The following CLEC4A variants were observed in gnomAD, a reference collection of about 807,000 sequenced individuals.
The protein encoded by CLEC4A is C-type (calcium dependent, carbohydrate-recognition domain) lectin, superfamily member 6.
A neutral mutation model predicts 32.7 loss-of-function variants in CLEC4A; 27 were observed. The observed-to-expected ratio is 0.83, with a 90% CI of 0.61 to 1.14. The LOEUF is 1.14. Ranked by LOEUF, CLEC4A falls within the 50% of genes most tolerant of loss-of-function variation. The probability of loss-of-function intolerance (pLI) is 0.00; values close to 1 mark genes in which losing one functional copy is unlikely to be tolerated. For synonymous variants in CLEC4A, 89 were observed against 93.7 expected (o/e 0.95, Z 0.29); for missense variants, 253 against 274.6 (o/e 0.92, Z 0.55).
the CLEC4A span, among the ~76,000 whole-genome samples, chr12:8,107,257 T>C: frequency 6.6e-6 from 1 of 152,206 alleles, no homozygotes. Context: ...CTTTTTGATG[T>C]GCTACTGGAT....
At position 8,127,876 on chromosome 12, in the gene CLEC4A, G is replaced by A. The variant is rs117615476; in HGVS notation, c.200-1388G>A. On this transcript the variant is annotated intron_variant, in intron 2 of 5. Coordinates refer to ENST00000229332, the MANE Select transcript of CLEC4A (RefSeq NM_016184.4). Reference sequence around the variant, plus strand: ...CAAAGAGGTAGACAATATAGGATCAGTAGCAGGTTTGGGTTGGAAGATGGT... The same window carrying A: ...CAAAGAGGTAGACAATATAGGATCAATAGCAGGTTTGGGTTGGAAGATGGT... Among the ~76,000 whole-genome samples, 8 of 152,312 alleles carry A rather than the reference G, an allele frequency of 5.3e-5. No homozygotes were observed. In the East Asian group the frequency reaches 1.3e-3, roughly 26 times the overall value.
At chr12:8,103,376 GTTTTTTTTTTTTTT>G in the CLEC4A span, among the ~76,000 whole-genome samples, 7 of 56,504 alleles carry the variant, frequency 1.2e-4, no homozygotes, top group Non-Finnish European at 1.2e-4. Flanking sequence ...TCTTTCTGTT[GTTTTTTTTTTTTTT>G]TTTTTTTTTT....
intron 1 of CLEC4A, among the ~76,000 whole-genome samples, 156 bp downstream of exon 1, chr12:8,124,116 G>A (rs1222620498): frequency 1.3e-5 from 2 of 152,138 alleles, no homozygotes; most frequent in Admixed American, 1.3e-4. Flanking sequence ...CTGCAGATAC[G>A]CATTACGGGG....
At chr12:8,123,986 A>C in intron 1 of CLEC4A, 26 bp downstream of exon 1, 1 of 1,435,440 alleles carries the variant, frequency 7.0e-7, no homozygotes, top group Non-Finnish European at 9.8e-7. Flanking sequence ...TAGGGGTCAG[A>C]GTGAATGACG....
rs1948163333 is a variant in CLEC4A at position 8,138,319 on chromosome 12, T to C, written c.*32T>C. 1 of 1,612,918 alleles carries C rather than the reference T, an allele frequency of 6.2e-7. No individual in the cohort carries two copies. Among genetic ancestry groups the C allele is most frequent in the South Asian group, 1.1e-5 (1 of 90,988 alleles). Reference sequence around the variant, plus strand: ...CATTCTCCATGAACAGGTGGTTGGATTGGTATCTGTCATTGTAGGGATAGA... The same window carrying C: ...CATTCTCCATGAACAGGTGGTTGGACTGGTATCTGTCATTGTAGGGATAGA... On this transcript the variant is annotated 3_prime_UTR_variant, in exon 6 of 6. Transcript: ENST00000229332.
intron 2 of CLEC4A, among the ~76,000 whole-genome samples, chr12:8,126,241 G>A (rs1217887145): frequency 6.6e-6 from 1 of 152,122 alleles, no homozygotes; most frequent in Admixed American, 6.6e-5. Flanking sequence ...CCCTGGTTCT[G>A]TCACCCAGGC....
chr12:8,125,494 G>T, intron 1 of CLEC4A, 67 bp from the exon 2 acceptor site: 1 of 826,442 alleles, frequency 1.2e-6, no homozygotes, highest in Non-Finnish European at 2.1e-6. Context: ...AGAGAAAGAG[G>T]AGGAGGAAGA....
chr12:8,120,749 T>C (rs1947824867), upstream of CLEC4A, among the ~76,000 whole-genome samples: 5 of 152,226 alleles, frequency 3.3e-5, no homozygotes, highest in Admixed American at 3.3e-4. Flanking sequence ...TGGAGATCAC[T>C]GCCCAAGAGA....
upstream of CLEC4A, among the ~76,000 whole-genome samples, chr12:8,120,611 G>A (rs1947823608): frequency 1.3e-5 from 2 of 152,136 alleles, no homozygotes; most frequent in South Asian, 4.1e-4. Flanking sequence ...CACATGACAT[G>A]CAATCAATAC....
At chr12:8,136,115 A>G (rs1451301881) in intron 4 of CLEC4A, among the ~76,000 whole-genome samples, 1 of 152,262 alleles carries the variant, frequency 6.6e-6, no homozygotes, top group Non-Finnish European at 1.5e-5. Flanking sequence ...CACAATCAAC[A>G]CTCAGGAATG....
upstream of CLEC4A, among the ~76,000 whole-genome samples, chr12:8,122,339 G>T (rs1158103373): frequency 6.6e-6 from 1 of 151,752 alleles, no homozygotes; most frequent in Non-Finnish European, 1.5e-5. Context: ...GGTCTAAGTG[G>T]TGACTAGGGG....
At chr12:8,103,380 T>C in the CLEC4A span, among the ~76,000 whole-genome samples, 1 of 99,360 alleles carries the variant, frequency 1.0e-5, no homozygotes, top group African/African-American at 3.9e-5. Flanking sequence ...TCTGTTGTTT[T>C]TTTTTTTTTT....
the CLEC4A span, among the ~76,000 whole-genome samples, chr12:8,117,569 G>A: frequency 1.3e-5 from 2 of 152,084 alleles, no homozygotes; most frequent in Non-Finnish European, 2.9e-5. Flanking sequence ...TGTCTCCAAT[G>A]GGAACTTTTT....
At chr12:8,127,671 G>A (rs1223609724) in intron 2 of CLEC4A, among the ~76,000 whole-genome samples, 1 of 152,164 alleles carries the variant, frequency 6.6e-6, no homozygotes, top group Non-Finnish European at 1.5e-5. Context: ...ATTCAATTGA[G>A]AAATATTGTC....
the CLEC4A span, among the ~76,000 whole-genome samples, chr12:8,108,939 A>G: frequency 6.6e-6 from 1 of 152,196 alleles, no homozygotes; most frequent in African/African-American, 2.4e-5. Context: ...TGGAAAAAAA[A>G]GTCATTGAAG....
upstream of CLEC4A, chr12:8,123,581 C>T (rs1947852706): frequency 4.0e-6 from 1 of 247,134 alleles, no homozygotes; most frequent in Admixed American, 5.5e-5. Context: ...CCTCTTTCCG[C>T]AACCCTTTGA....
At chr12:8,111,919 GTA>G in the CLEC4A span, among the ~76,000 whole-genome samples, 11,704 of 131,808 alleles carry the variant, frequency 0.089, 609 homozygotes, top group Non-Finnish European at 0.11. Flanking sequence ...ATGTGAGTGT[GTA>G]TATGTGTGTG....
chr12:8,131,874 G>A (rs959689906), intron 3 of CLEC4A, among the ~76,000 whole-genome samples: 1 of 151,504 alleles, frequency 6.6e-6, no homozygotes, highest in African/African-American at 2.4e-5. Context: ...TACATGTGCA[G>A]GATGTGCAGG....
chr12:8,119,898 T>A (rs1947816650), upstream of CLEC4A, among the ~76,000 whole-genome samples: 1 of 152,116 alleles, frequency 6.6e-6, no homozygotes, highest in South Asian at 2.1e-4. Flanking sequence ...TTTCCCATGA[T>A]CCCTTCAGGT....
Sources: gnomAD v4.1 joint callset for allele counts (sites outside exome capture counted in the v4.1 genomes callset) on GRCh38, gnomAD v4.1.1 for gene constraint, MANE v1.5 for transcripts, NCBI Gene and HGNC (gene_info 2026-07-23, HGNC 2026-07-21) for gene names.